Variants in BIN2 observed in about 807,000 individuals in gnomAD.
BIN2 encodes the protein breast cancer associated protein BRAP1.
Under a neutral mutation model 67.9 loss-of-function variants are expected in BIN2, and 43 were observed. That is an observed-to-expected ratio of 0.63 (90% CI 0.50 to 0.82). The LOEUF is 0.82. Among genes scored for constraint, BIN2 ranks in the 40% least tolerant of loss-of-function variants. The pLI is 0.00. For synonymous variants in BIN2, 244 were observed against 246.8 expected, an observed-to-expected ratio of 0.99 and a Z score of 0.11; for missense variants, 581 against 671.6, an observed-to-expected ratio of 0.87 and a Z score of 1.49.
chr12:51,290,070 ATTATTTAT>A (rs946814147), intron 10 of BIN2, among the ~76,000 whole-genome samples: 1 of 151,014 alleles, frequency 6.6e-6, no homozygotes, highest in Non-Finnish European at 1.5e-5. Flanking sequence ...TTTTGAATTT[ATTATTTAT>A]TTATTTATTT....
At chr12:51,307,873 G>A (rs1456617899) in intron 2 of BIN2, among the ~76,000 whole-genome samples, 2 of 152,114 alleles carry the variant, frequency 1.3e-5, no homozygotes, top group African/African-American at 2.4e-5. Context: ...CCCAGAAAAT[G>A]AATGCCTTCT....
chr12:51,294,691 C>T (rs1024823870), intron 9 of BIN2, among the ~76,000 whole-genome samples: 4 of 150,942 alleles, frequency 2.7e-5, no homozygotes, highest in African/African-American at 7.3e-5. Context: ...TATTTATTTC[C>T]ATGCGTATTA....
chr12:51,295,109 TC>T (rs1384363874), intron 9 of BIN2, among the ~76,000 whole-genome samples: 1 of 151,960 alleles, frequency 6.6e-6, no homozygotes, highest in Non-Finnish European at 1.5e-5. Context: ...ATTTTTTTTT[TC>T]TTTTAATCTT....
chr12:51,317,545 T>A, intron 1 of BIN2, among the ~76,000 whole-genome samples: 1 of 152,132 alleles, frequency 6.6e-6, no homozygotes. Context: ...GGTGCACGCC[T>A]GCAATCCCAG....
At chr12:51,306,331 C>T (rs1398622272) in intron 2 of BIN2, among the ~76,000 whole-genome samples, 2 of 152,276 alleles carry the variant, frequency 1.3e-5, no homozygotes, top group African/African-American at 4.8e-5. Flanking sequence ...ATCATATAAA[C>T]AATCAAGGAA....
At chr12:51,322,718 G>T (rs1294288602) in intron 1 of BIN2, 1 of 151,782 alleles carries the variant, frequency 6.6e-6, no homozygotes, top group African/African-American at 2.4e-5. Flanking sequence ...TACCAGATTT[G>T]TAAGTCTTCA....
At chr12:51,307,554 C>G (rs539646278) in intron 2 of BIN2, among the ~76,000 whole-genome samples, 160 of 151,638 alleles carry the variant, frequency 1.1e-3, no homozygotes, top group African/African-American at 3.6e-3. Flanking sequence ...ACTAAAAATA[C>G]AAAAATTAGC....
At chr12:51,304,782 C>T (rs888359274) in intron 2 of BIN2, among the ~76,000 whole-genome samples, 10 of 152,062 alleles carry the variant, frequency 6.6e-5, no homozygotes, top group South Asian at 4.2e-4. Flanking sequence ...TTAGGGAGGC[C>T]GAGGCGGGCG....
intron 1 of BIN2, among the ~76,000 whole-genome samples, chr12:51,320,642 T>A (rs1250543919): frequency 3.3e-5 from 5 of 151,704 alleles, no homozygotes; most frequent in African/African-American, 7.3e-5. Context: ...TTCTTTTTTT[T>A]TTTTTTTTTT....
chr12:51,313,529 C>T (rs1447620732), intron 2 of BIN2, among the ~76,000 whole-genome samples: 5 of 151,760 alleles, frequency 3.3e-5, no homozygotes, highest in African/African-American at 1.2e-4. Context: ...TTAGTACAGA[C>T]GGGGTTTCAT....
intron 5 of BIN2, 63 bp downstream of exon 5, chr12:51,301,957 C>A (rs760426194): frequency 4.4e-5 from 50 of 1,139,326 alleles, no homozygotes; most frequent in Admixed American, 7.1e-5. Flanking sequence ...ATGCTTAACC[C>A]AATATGTTCT....
rs529539044 is a variant in BIN2 at position 51,284,974 on chromosome 12, C to T, written c.1597-187G>A. Among the ~76,000 whole-genome samples, 275 of 152,306 alleles carry T rather than the reference C, an allele frequency of 1.8e-3. 1 individual carries two copies. The highest frequency in any genetic ancestry group is 6.3e-3 in the African/African-American group (260 of 41,578). On this transcript the variant is annotated intron_variant, in intron 11 of 12. Transcript: ENST00000615107. ...AAAGGCTTTCATCCATCCTCTTTTA[C>T]AGATGAATAAACTAAGATTCAAAGG... is the stretch of plus-strand genomic sequence containing the variant.
intron 10 of BIN2, 117 bp downstream of exon 10, chr12:51,291,474 T>G: frequency 9.9e-7 from 1 of 1,014,344 alleles, no homozygotes; most frequent in Non-Finnish European, 1.4e-6. Flanking sequence ...GCTTGAGAGG[T>G]CGAGACTGCA....
chr12:51,322,990 G>A (rs1442501048), intron 1 of BIN2: 1 of 152,056 alleles, frequency 6.6e-6, no homozygotes, highest in Non-Finnish European at 1.5e-5. Context: ...AAGATAATAG[G>A]GATATTTCAG....
rs149679620 is a variant in BIN2, at chr12:51,291,775, G to A, written c.1331C>T (p.Ser444Leu). Residue 444 changes from serine to leucine, a missense_variant, in exon 10 of 13, where the codon TCA becomes TTA. Coordinates refer to ENST00000615107, the MANE Select transcript of BIN2 (RefSeq NM_016293.4). ...PSSPTASGGGSPTSPRASLGT... is the reference protein window; with the variant it reads ...PSSPTASGGGLPTSPRASLGT... ...CAAGGAGGCCCTAGGGCTGGTGGGT[G>A]AACCCCCTCCAGAGGCTGTAGGGCT... The A allele has an allele frequency of 2.5e-4, 400 of 1,613,614 alleles. No individual in the cohort carries two copies. The African/African-American group carries it at 4.9e-3, about 20-fold the overall frequency.
In BIN2 at chr12:51,312,706, T is replaced by C. The variant is rs533737892; in HGVS notation, c.162+1117A>G. ...CAAGTTTATCTGCCTTTGTACATAT[T>C]TGAAATATTCCATTAAAAAAAAGTT... is the stretch of plus-strand genomic sequence containing the variant. On this transcript the variant is annotated intron_variant, in intron 2 of 12. Transcript: ENST00000615107. Among the ~76,000 whole-genome samples the C allele has an allele frequency of 4.3e-4, 65 of 152,238 alleles. 2 individuals carry two copies. The highest frequency in any genetic ancestry group is 3.4e-3 in the Middle Eastern group (1 of 294).
At chr12:51,293,832 A>G (rs554746967) in intron 9 of BIN2, among the ~76,000 whole-genome samples, 3 of 152,298 alleles carry the variant, frequency 2.0e-5, no homozygotes, top group African/African-American at 7.2e-5. Flanking sequence ...TGACAATTTC[A>G]CATGTAGTGA....
chr12:51,320,392 T>C (rs1462399344), intron 1 of BIN2, among the ~76,000 whole-genome samples: 1 of 152,178 alleles, frequency 6.6e-6, no homozygotes, highest in Non-Finnish European at 1.5e-5. Flanking sequence ...TTTTCCAGCC[T>C]TTGCTCTGAC....
chr12:51,298,631 T>C (rs992672167), intron 7 of BIN2, among the ~76,000 whole-genome samples: 1 of 152,126 alleles, frequency 6.6e-6, no homozygotes, highest in African/African-American at 2.4e-5. Context: ...TTAGAATACA[T>C]GTGTTCATTA....
Sources: allele counts gnomAD v4.1 joint callset (sites outside exome capture counted in the v4.1 genomes callset), GRCh38; gene constraint gnomAD v4.1.1; transcripts MANE v1.5; gene names NCBI Gene and HGNC (gene_info 2026-07-23, HGNC 2026-07-21).